Variants in RAB10 observed in about 807,000 individuals in gnomAD.
RAB10 encodes RAB10, member RAS oncogene family.
A neutral mutation model predicts 25.7 loss-of-function variants in RAB10; 5 were observed. The observed-to-expected ratio is 0.19, with a 90% CI of 0.10 to 0.41. The LOEUF is 0.41. Among genes scored for constraint, RAB10 ranks in the 10% least tolerant of loss-of-function variants. The pLI, the probability that RAB10 is intolerant of heterozygous loss-of-function variation, is 1.00. For synonymous variants in RAB10, 89 were observed against 86.4 expected (o/e 1.03, Z -0.16); for missense variants, 103 against 245.8 (o/e 0.42, Z 3.89).
intron 1 of RAB10, among the ~76,000 whole-genome samples, chr2:26,094,709 C>T (rs1667175318): frequency 6.6e-6 from 1 of 152,130 alleles, no homozygotes; most frequent in South Asian, 2.1e-4. Context: ...CAGGCACGTG[C>T]CACCATGCCT....
chr2:26,038,651 G>A (rs6546715), intron 1 of RAB10, among the ~76,000 whole-genome samples: 113,184 of 151,686 alleles, frequency 0.75, 42,444 homozygotes, highest in East Asian at 0.87. Flanking sequence ...GGCGGGGCGC[G>A]ATGGCTCACG....
chr2:26,107,790 C>T (rs1321612315), intron 2 of RAB10, among the ~76,000 whole-genome samples: 1 of 150,788 alleles, frequency 6.6e-6, no homozygotes, highest in Non-Finnish European at 1.5e-5. Context: ...GATCGAAACT[C>T]TATCTCAAAA....
At chr2:26,109,226 A>T (rs1319250274) in intron 2 of RAB10, among the ~76,000 whole-genome samples, 4 of 152,028 alleles carry the variant, frequency 2.6e-5, no homozygotes, top group Non-Finnish European at 5.9e-5. Context: ...TTGCTTTTTT[A>T]AAAAAGATAC....
At chr2:26,067,585 G>A (rs1574535877) in intron 1 of RAB10, among the ~76,000 whole-genome samples, 1 of 152,180 alleles carries the variant, frequency 6.6e-6, no homozygotes, top group East Asian at 1.9e-4. Context: ...GAGGGAGTTA[G>A]CTGCCTGTTA....
intron 3 of RAB10, among the ~76,000 whole-genome samples, chr2:26,122,513 A>T (rs950383901): frequency 3.3e-5 from 5 of 152,052 alleles, no homozygotes; most frequent in African/African-American, 1.2e-4. Context: ...CTGTAGTCCC[A>T]GCCACTCGGG....
intron 1 of RAB10, 88 bp downstream of exon 1, chr2:26,034,823 C>T: frequency 6.5e-7 from 1 of 1,536,190 alleles, no homozygotes; most frequent in Non-Finnish European, 8.9e-7. Flanking sequence ...TAATATACGC[C>T]TTTGTTTCAG....
intron 1 of RAB10, among the ~76,000 whole-genome samples, chr2:26,070,903 C>G (rs540616666): frequency 7.9e-5 from 12 of 152,130 alleles, no homozygotes; most frequent in Admixed American, 1.3e-4. Flanking sequence ...CAAAACTTTT[C>G]ATAATAATTC....
intron 1 of RAB10, among the ~76,000 whole-genome samples, chr2:26,088,919 G>A (rs72858220): frequency 1.5e-3 from 232 of 152,006 alleles, no homozygotes; most frequent in African/African-American, 5.4e-3. Flanking sequence ...CACCATGCCC[G>A]GCTTATCTTC....
rs951325938 is a variant in RAB10 at position 26,052,070 on chromosome 2, C to A, written c.127+17335C>A. On this transcript the variant is annotated intron_variant, in intron 1 of 5. Coordinates refer to ENST00000264710, the MANE Select transcript of RAB10 (RefSeq NM_016131.5). The stretch of plus-strand genomic sequence containing the variant: ...AGACTCAGTCTCAAAAAAAAAAAAA[C>A]AAAAAGTCATTAAAAAGATGTTTGC... 2.0e-3 allele frequency among the ~76,000 whole-genome samples: 286 copies of A among 145,862 alleles called. 1 individual carries two copies. Among genetic ancestry groups the A allele is most frequent in the African/African-American group, 6.9e-3 (273 of 39,798 alleles).
intron 1 of RAB10, among the ~76,000 whole-genome samples, chr2:26,067,608 T>C (rs1302842596): frequency 6.6e-5 from 10 of 152,210 alleles, no homozygotes; most frequent in African/African-American, 2.2e-4. Context: ...ATACTTGATA[T>C]TGACTTGGTG....
At chr2:26,067,155 G>A (rs961019478) in intron 1 of RAB10, among the ~76,000 whole-genome samples, 6 of 152,062 alleles carry the variant, frequency 3.9e-5, no homozygotes, top group African/African-American at 1.4e-4. Context: ...GGGCTCAAGT[G>A]ATCCTCCTGC....
chr2:26,073,244 C>T (rs1202717226), intron 1 of RAB10, among the ~76,000 whole-genome samples: 4 of 152,188 alleles, frequency 2.6e-5, no homozygotes, highest in Non-Finnish European at 5.9e-5. Flanking sequence ...GATGGAAGGG[C>T]TAGAGGAACA....
chr2:26,064,225 T>C (rs1354141740), intron 1 of RAB10, among the ~76,000 whole-genome samples: 1 of 152,228 alleles, frequency 6.6e-6, no homozygotes, highest in Non-Finnish European at 1.5e-5. Flanking sequence ...CCAAATCCTG[T>C]GATAAAGCCA....
intron 1 of RAB10, among the ~76,000 whole-genome samples, chr2:26,065,785 A>G (rs964227206): frequency 1.3e-5 from 2 of 152,188 alleles, no homozygotes; most frequent in African/African-American, 4.8e-5. Context: ...TTCAGTTACT[A>G]TGTATATTTG....
intron 1 of RAB10, among the ~76,000 whole-genome samples, chr2:26,040,527 A>G (rs1372281044): frequency 2.0e-5 from 3 of 152,098 alleles, no homozygotes; most frequent in East Asian, 3.9e-4. Context: ...ACATGGTGGC[A>G]TGTTCCTGTA....
At chr2:26,039,149 A>C (rs898384734) in intron 1 of RAB10, among the ~76,000 whole-genome samples, 1 of 150,474 alleles carries the variant, frequency 6.6e-6, no homozygotes, top group African/African-American at 2.4e-5. Context: ...CCTCCCAGGT[A>C]CCTGGGATTA....
chr2:26,039,279 C>T (rs1403777843), intron 1 of RAB10, among the ~76,000 whole-genome samples: 1 of 151,714 alleles, frequency 6.6e-6, no homozygotes, highest in Non-Finnish European at 1.5e-5. Flanking sequence ...CCTTGGCCTC[C>T]CAAAATCCTG....
chr2:26,070,141 G>A (rs1255963875), intron 1 of RAB10, among the ~76,000 whole-genome samples: 16 of 152,248 alleles, frequency 1.1e-4, no homozygotes. Context: ...GAGATCCTTG[G>A]ACTTGAAATT....
At chr2:26,114,671 G>A (rs7581855) in intron 3 of RAB10, among the ~76,000 whole-genome samples, 61 of 150,574 alleles carry the variant, frequency 4.1e-4, no homozygotes, top group African/African-American at 1.5e-3. Context: ...TGGGTGGGTC[G>A]CTGGAGCCCA....
Sources: allele counts gnomAD v4.1 joint callset (sites outside exome capture counted in the v4.1 genomes callset), GRCh38; gene constraint gnomAD v4.1.1; transcripts MANE v1.5; gene names NCBI Gene and HGNC (gene_info 2026-07-23, HGNC 2026-07-21).